CSMD1: variants seen among roughly 807,000 people sequenced by gnomAD.
The protein encoded by CSMD1 is CUB and sushi domain-containing protein 1.
In CSMD1, 213 loss-of-function variants were observed where a neutral mutation model predicts 417.5. That is an observed-to-expected ratio of 0.51 (90% CI 0.46 to 0.57). The LOEUF (loss-of-function observed/expected upper bound fraction) is 0.57. Ranked by LOEUF, CSMD1 falls within the 20% of genes least tolerant of loss-of-function variation. The pLI is 0.00. For synonymous variants in CSMD1, 2,862 were observed against 1,736.8 expected, an observed-to-expected ratio of 1.65 and a Z score of -16.11; for missense variants, 6,923 against 4,529.7, an observed-to-expected ratio of 1.53 and a Z score of -15.17.
chr8:3,008,039 T>G (rs1808087156), intron 52 of CSMD1, among the ~76,000 whole-genome samples: 1 of 152,238 alleles, frequency 6.6e-6, no homozygotes, highest in Non-Finnish European at 1.5e-5. Flanking sequence ...TTAACAATCT[T>G]TCTCTAAAAT....
At chr8:4,665,470 G>C (rs927698872) in intron 1 of CSMD1, among the ~76,000 whole-genome samples, 1 of 152,114 alleles carries the variant, frequency 6.6e-6, no homozygotes, top group Non-Finnish European at 1.5e-5. Context: ...TAACACACAA[G>C]CATTCCCAGC....
chr8:3,844,883 T>A (rs960100496), intron 5 of CSMD1, among the ~76,000 whole-genome samples: 1 of 152,218 alleles, frequency 6.6e-6, no homozygotes, highest in Non-Finnish European at 1.5e-5. Context: ...AAGTTTTTTC[T>A]AAAATTCTTG....
At position 3,230,257 on chromosome 8, in the gene CSMD1, C is replaced by A. The variant is rs375260265; in HGVS notation, c.4154-26G>T. The A allele has an allele frequency of 6.9e-5, 105 of 1,526,470 alleles. 2 individuals are homozygous for A. Among genetic ancestry groups the A allele is most frequent in the South Asian group, 1.4e-4 (11 of 78,900 alleles). 94.6% of individuals were successfully genotyped at this position (1,526,470 alleles called of 1,614,324 possible). Reference sequence around the variant, plus strand: ...CTGCAAACAAAAGAGAAGGCAAGGTCACAGGCTGGAAAACATGGTTTCCAC... The same window carrying A: ...CTGCAAACAAAAGAGAAGGCAAGGTAACAGGCTGGAAAACATGGTTTCCAC... On this transcript the variant is annotated intron_variant, in intron 26 of 69. Transcript: ENST00000635120.
chr8:3,955,889 G>A (rs746957946), intron 5 of CSMD1, among the ~76,000 whole-genome samples: 4 of 152,126 alleles, frequency 2.6e-5, no homozygotes, highest in Non-Finnish European at 4.4e-5. Flanking sequence ...GCACGATCTC[G>A]GCTCACTTCA....
chr8:4,840,807 A>G (rs1045322786), intron 1 of CSMD1, among the ~76,000 whole-genome samples: 10 of 152,210 alleles, frequency 6.6e-5, no homozygotes, highest in African/African-American at 2.4e-4. Context: ...CTTTTATACC[A>G]GGTAGGATTA....
chr8:4,890,996 A>C (rs1804083637), intron 1 of CSMD1, among the ~76,000 whole-genome samples: 1 of 152,152 alleles, frequency 6.6e-6, no homozygotes, highest in South Asian at 2.1e-4. Context: ...ACATGTTTTC[A>C]ATCAAGACCT....
intron 3 of CSMD1, among the ~76,000 whole-genome samples, chr8:4,191,949 A>G (rs1003363089): frequency 9.8e-5 from 15 of 152,286 alleles, no homozygotes; most frequent in Admixed American, 5.2e-4. Context: ...AACCAACTGC[A>G]CCCACAGGCA....
At chr8:4,829,831 T>A (rs981817568) in intron 1 of CSMD1, among the ~76,000 whole-genome samples, 6 of 151,964 alleles carry the variant, frequency 3.9e-5, no homozygotes, top group African/African-American at 1.5e-4. Context: ...CAGTCAGTGA[T>A]CGCTTTACCT....
chr8:4,589,947 G>A (rs1246606513), intron 2 of CSMD1, among the ~76,000 whole-genome samples: 1 of 152,134 alleles, frequency 6.6e-6, no homozygotes, highest in African/African-American at 2.4e-5. Context: ...ACTGGACCTG[G>A]AAGTTCCTAG....
chr8:4,860,545 C>G (rs113608561), intron 1 of CSMD1, among the ~76,000 whole-genome samples: 1 of 152,156 alleles, frequency 6.6e-6, no homozygotes, highest in East Asian at 1.9e-4. Flanking sequence ...TGAGCAGATG[C>G]TCGTGCCATG....
chr8:3,819,608 G>C (rs757628520), intron 5 of CSMD1, among the ~76,000 whole-genome samples: 1 of 151,808 alleles, frequency 6.6e-6, no homozygotes, highest in African/African-American at 2.4e-5. Flanking sequence ...TGCTGAGACA[G>C]GATCTCACTT....
At chr8:4,005,058 G>T (rs553300916) in intron 4 of CSMD1, among the ~76,000 whole-genome samples, 105 of 152,268 alleles carry the variant, frequency 6.9e-4, no homozygotes, top group Non-Finnish European at 1.3e-3. Context: ...AACATCCTAT[G>T]TTCTCACTGA....
At chr8:3,054,864 G>C (rs1812111727) in intron 49 of CSMD1, among the ~76,000 whole-genome samples, 1 of 152,162 alleles carries the variant, frequency 6.6e-6, no homozygotes, top group Admixed American at 6.5e-5. Context: ...CAACAGATCT[G>C]TGGGAAGACT....
chr8:4,775,070 G>C (rs1254156846), intron 1 of CSMD1, among the ~76,000 whole-genome samples: 1 of 151,958 alleles, frequency 6.6e-6, no homozygotes, highest in African/African-American at 2.4e-5. Context: ...AGCAACAGAA[G>C]GAAAAATTTA....
intron 10 of CSMD1, among the ~76,000 whole-genome samples, chr8:3,502,763 G>T (rs540009782): frequency 6.6e-6 from 1 of 152,176 alleles, no homozygotes; most frequent in Non-Finnish European, 1.5e-5. Flanking sequence ...GAAACTCTCT[G>T]TGTGATGTTA....
rs369698635 is a variant in CSMD1, at chr8:4,621,339, T to C, written c.302+16003A>G. Reference sequence around the variant, plus strand: ...GGTCAGGTGTGGAATTTTCCACTTATGATGTCATGTTGGCACGAAACAATT... The same window carrying C: ...GGTCAGGTGTGGAATTTTCCACTTACGATGTCATGTTGGCACGAAACAATT... On this transcript the variant is annotated intron_variant, in intron 2 of 69. Coordinates refer to ENST00000635120, the MANE Select transcript of CSMD1 (RefSeq NM_033225.6). 3.3e-4 allele frequency among the ~76,000 whole-genome samples: 51 copies of C among 152,252 alleles called. No individual in the cohort carries two copies. The South Asian group carries it at 9.7e-3, about 29-fold the overall frequency.
chr8:3,719,317 C>G (rs760391912), intron 6 of CSMD1, among the ~76,000 whole-genome samples: 1 of 152,108 alleles, frequency 6.6e-6, no homozygotes, highest in Non-Finnish European at 1.5e-5. Context: ...TAGCTGAGCT[C>G]CAATCTCACC....
chr8:3,254,342 A>C (rs1477464159), intron 26 of CSMD1, among the ~76,000 whole-genome samples: 2 of 151,876 alleles, frequency 1.3e-5, no homozygotes, highest in Admixed American at 1.3e-4. Flanking sequence ...TGAATCTGAC[A>C]ATTATGTGTC....
At chr8:4,147,228 T>C (rs543321853) in intron 3 of CSMD1, among the ~76,000 whole-genome samples, 4 of 152,172 alleles carry the variant, frequency 2.6e-5, no homozygotes, top group South Asian at 2.1e-4. Context: ...GCACGCATGA[T>C]TTGACTGCTG....
Sources: allele counts gnomAD v4.1 joint callset (sites outside exome capture counted in the v4.1 genomes callset), GRCh38; gene constraint gnomAD v4.1.1; transcripts MANE v1.5; gene names NCBI Gene and HGNC (gene_info 2026-07-23, HGNC 2026-07-21).